The following ASL variants were observed in gnomAD, a reference collection of about 807,000 sequenced individuals.
The protein encoded by ASL is argininosuccinase.
Under a neutral mutation model 69.1 loss-of-function variants are expected in ASL, and 51 were observed. The observed-to-expected ratio is 0.74, with a 90% CI of 0.59 to 0.93. ASL has a LOEUF of 0.93. Among genes scored for constraint, ASL ranks in the 40% least tolerant of loss-of-function variants. The pLI is 0.00. For synonymous variants in ASL, 241 were observed against 247.6 expected (o/e 0.97, Z 0.25); for missense variants, 540 against 623.9 (o/e 0.87, Z 1.43).
At chr7:66,091,187 G>A (rs914226292) in intron 14 of ASL, among the ~76,000 whole-genome samples, 3 of 151,530 alleles carry the variant, frequency 2.0e-5, no homozygotes, top group Non-Finnish European at 4.4e-5. Flanking sequence ...CCTGAGAAAT[G>A]TGATGTGAGG....
rs149108910 is a variant in ASL, at chr7:66,081,885, G to A, written c.95G>A (p.Arg32Gln). The stretch of plus-strand genomic sequence containing the variant: ...TTCAACGCGTCCATTGCCTACGACC[G>A]GCACCTTTGGGAGGTGGATGTTCAA... ...EKFNASIAYD[R>Q]HLWEVDVQGS... Residue 32 changes from arginine (R) to glutamine (Q), a missense_variant, in exon 3 of 17, where the codon CGG becomes CAG. By Grantham distance (43) the Arg-to-Gln change is conservative. Coordinates refer to ENST00000304874, the MANE Select transcript of ASL (RefSeq NM_000048.4). 2.4e-5 allele frequency: 38 copies of A among 1,613,878 alleles called. No homozygotes were observed. The highest frequency in any genetic ancestry group is 3.3e-5 in the South Asian group (3 of 91,068).
At chr7:66,081,002 C>T (rs549255251) in intron 2 of ASL, among the ~76,000 whole-genome samples, 1 of 152,286 alleles carries the variant, frequency 6.6e-6, no homozygotes, top group South Asian at 2.1e-4. Context: ...GTCCAGAAGC[C>T]CTGGTGGAAC....
Position 66,076,074 on chromosome 7 carries a change from C to T in ASL, c.-8C>T. On this transcript the variant is annotated 5_prime_UTR_variant, in exon 2 of 17. Coordinates refer to ENST00000304874, the MANE Select transcript of ASL (RefSeq NM_000048.4). The stretch of plus-strand genomic sequence containing the variant: ...CCGAAGCTTCCGGACGACGAGGAAC[C>T]GCCCAACATGGCCTCGGAGGTGAGT... The T allele has an allele frequency of 8.7e-6, 14 of 1,600,214 alleles. No homozygotes were observed. The highest frequency in any genetic ancestry group is 1.2e-5 in the Non-Finnish European group (14 of 1,173,982).
At chr7:66,076,438 G>C (rs1786349215) in intron 2 of ASL, among the ~76,000 whole-genome samples, 1 of 152,100 alleles carries the variant, frequency 6.6e-6, no homozygotes, top group Non-Finnish European at 1.5e-5. Context: ...TTCTTACCAC[G>C]TGTCCTCCTG....
At chr7:66,081,766 T>C (rs767920084) in intron 2 of ASL, 37 bp from the exon 3 acceptor site, 54 of 1,603,302 alleles carry the variant, frequency 3.4e-5, no homozygotes, top group Non-Finnish European at 4.3e-5. Flanking sequence ...TTCTGGAGGG[T>C]GGAGGAGAGA....
chr7:66,092,467 A>G lies in ASL; in HGVS notation c.1144-90A>G. 2.3e-6 allele frequency: 3 copies of G among 1,301,522 alleles called. No individual in the cohort carries two copies. The South Asian group carries it at 3.8e-5, about 17-fold the overall frequency. 80.6% of individuals were successfully genotyped at this position (1,301,522 alleles called of 1,614,324 possible). A position where few individuals can be genotyped will look rare whatever the true frequency, so the allele number is the denominator to read the frequency against. On this transcript the variant is annotated intron_variant, in intron 15 of 16. Coordinates refer to ENST00000304874, the MANE Select transcript of ASL (RefSeq NM_000048.4). ...CGAGACTTTGTGTCAAAAAGAAAAAAAAAAAAAAAAGGAAGGGGGTGCAGG... is the reference window on the plus strand; with the variant it reads ...CGAGACTTTGTGTCAAAAAGAAAAAGAAAAAAAAAAGGAAGGGGGTGCAGG...
In ASL at chr7:66,087,329, T is replaced by C. The variant is rs367999318; in HGVS notation, c.603-5T>C. The C allele has an allele frequency of 1.1e-5, 18 of 1,603,500 alleles. No individual in the cohort carries two copies. Among genetic ancestry groups the C allele is most frequent in the Non-Finnish European group, 1.4e-5 (17 of 1,179,780 alleles). ...CCTGGTCACCATGAATCCCTGTCCC[T>C]GCAGTGGGGCCATTGCAGGCAATCC... is the stretch of plus-strand genomic sequence containing the variant. On this transcript the variant is annotated splice_polypyrimidine_tract_variant and splice_region_variant and intron_variant, in intron 8 of 16. Transcript: ENST00000304874.
In ASL at chr7:66,089,178, G is replaced by A. The variant is rs1172748830; in HGVS notation, c.918+3G>A. 1 of 1,613,700 alleles carries A rather than the reference G, an allele frequency of 6.2e-7. No homozygotes were observed. Among genetic ancestry groups the A allele is most frequent in the Non-Finnish European group, 8.5e-7 (1 of 1,179,924 alleles). The stretch of plus-strand genomic sequence containing the variant: ...AGGCTGGGCGTGTGTTTGGGCGGGT[G>A]AGCAAGGCAGGGGGAGGGGCGGGGC... On this transcript the variant is annotated splice_donor_region_variant and intron_variant, in intron 12 of 16. Coordinates refer to ENST00000304874, the MANE Select transcript of ASL (RefSeq NM_000048.4).
chr7:66,088,184 A>G (rs1196849156), intron 10 of ASL, among the ~76,000 whole-genome samples: 7 of 151,638 alleles, frequency 4.6e-5, no homozygotes, highest in African/African-American at 1.7e-4. Context: ...AAATAAAATA[A>G]AATAAAAATA....
At chr7:66,087,575 A>C (rs901572464) in intron 9 of ASL, 154 bp from the exon 10 acceptor site, 4 of 971,558 alleles carry the variant, frequency 4.1e-6, no homozygotes, top group Non-Finnish European at 6.4e-6. Flanking sequence ...TGAGAGACTC[A>C]GGGCTCCTGC....
intron 6 of ASL, 157 bp downstream of exon 6, chr7:66,083,331 G>A: frequency 1.4e-6 from 1 of 719,264 alleles, no homozygotes; most frequent in Non-Finnish European, 2.3e-6. Context: ...CCAGGAGTGG[G>A]CCATTTCCTG....
At chr7:66,091,421 G>A (rs940251130) in intron 14 of ASL, among the ~76,000 whole-genome samples, 5 of 152,164 alleles carry the variant, frequency 3.3e-5, no homozygotes, top group Non-Finnish European at 5.9e-5. Flanking sequence ...TTAGCCAGTC[G>A]TGATGGCGTG....
At chr7:66,091,182 G>A (rs989845657) in intron 14 of ASL, among the ~76,000 whole-genome samples, 9 of 151,708 alleles carry the variant, frequency 5.9e-5, no homozygotes, top group Admixed American at 2.6e-4. Context: ...GAAGTCCTGA[G>A]AAATGTGATG....
chr7:66,085,635 T>G (rs1224929912), intron 6 of ASL, among the ~76,000 whole-genome samples: 1 of 143,946 alleles, frequency 6.9e-6, no homozygotes, highest in Non-Finnish European at 1.5e-5. Flanking sequence ...TGAGACGGAG[T>G]CTCGCTCTGT....
chr7:66,083,367 C>G (rs561122270), intron 6 of ASL, 193 bp downstream of exon 6: 35 of 579,322 alleles, frequency 6.0e-5, no homozygotes, highest in African/African-American at 6.0e-4. Flanking sequence ...CCATGCCAGT[C>G]TAGCTCAGCA....
At chr7:66,082,782 T>C (rs1786545723) in intron 4 of ASL, 98 bp from the exon 5 acceptor site, 9 of 1,431,006 alleles carry the variant, frequency 6.3e-6, no homozygotes, top group Non-Finnish European at 8.8e-6. Flanking sequence ...CCCTGGGGTA[T>C]GGAGGTAGGT....
Position 66,087,804 on chromosome 7 carries a change from G to A in ASL, c.718+13G>A. ...CGGGACTTTGTGGGTGAGTCCTGGG[G>A]AGCCAGTCCCCTGCCCTGTGCCTCA... On this transcript the variant is annotated intron_variant, in intron 10 of 16. Transcript: ENST00000304874. 6.2e-7 allele frequency: 1 copy of A among 1,614,130 alleles called. No individual in the cohort carries two copies. Among genetic ancestry groups the A allele is most frequent in the South Asian group, 1.1e-5 (1 of 91,070 alleles).
chr7:66,079,191 A>G (rs1786434140), intron 2 of ASL, among the ~76,000 whole-genome samples: 4 of 152,240 alleles, frequency 2.6e-5, no homozygotes, highest in African/African-American at 9.6e-5. Context: ...TGCTAGGATT[A>G]TAGGTGTGAG....
chr7:66,088,655 C>T (rs949390605), intron 10 of ASL, 152 bp from the exon 11 acceptor site: 9 of 714,862 alleles, frequency 1.3e-5, no homozygotes, highest in African/African-American at 5.2e-5. Flanking sequence ...CCACAAGTTT[C>T]AGAACAGCTT....
Sources: allele counts gnomAD v4.1 joint callset (sites outside exome capture counted in the v4.1 genomes callset), GRCh38; gene constraint gnomAD v4.1.1; transcripts MANE v1.5; gene names NCBI Gene and HGNC (gene_info 2026-07-23, HGNC 2026-07-21).